Variants in NHEJ1 observed in about 807,000 individuals in gnomAD.
The protein encoded by NHEJ1 is non-homologous end joining factor 1, also known as non-homologous end-joining factor 1.
In NHEJ1, 22 loss-of-function variants were observed where a neutral mutation model predicts 39.4. The observed-to-expected ratio is 0.56, with a 90% CI of 0.40 to 0.80. NHEJ1 has a LOEUF of 0.80. NHEJ1 is among the 30% of genes least tolerant of loss of function. The probability of loss-of-function intolerance (pLI) is 0.00; values close to 1 mark genes in which losing one functional copy is unlikely to be tolerated. For synonymous variants in NHEJ1, 154 were observed against 135.6 expected, an observed-to-expected ratio of 1.14 and a Z score of -0.94; for missense variants, 329 against 357.1, an observed-to-expected ratio of 0.92 and a Z score of 0.63.
intron 3 of NHEJ1, 125 bp from the exon 4 acceptor site, chr2:219,147,920 A>G: frequency 3.3e-6 from 3 of 921,230 alleles, no homozygotes; most frequent in Non-Finnish European, 5.0e-6. Flanking sequence ...TTCATAGGCA[A>G]GTAACCCATT....
chr2:219,147,309 G>A (rs977515125), intron 4 of NHEJ1, among the ~76,000 whole-genome samples: 3 of 152,152 alleles, frequency 2.0e-5, no homozygotes, highest in East Asian at 1.9e-4. Context: ...GTGAAACCCC[G>A]TCTATATTAA....
At chr2:219,095,197 C>A in intron 5 of NHEJ1, 1 of 436,530 alleles carries the variant, frequency 2.3e-6, no homozygotes, top group South Asian at 1.7e-5. Flanking sequence ...CACTTCCATT[C>A]AGCCTAACTA....
chr2:219,104,871 C>A (rs1332629857), intron 5 of NHEJ1, among the ~76,000 whole-genome samples: 2 of 152,164 alleles, frequency 1.3e-5, no homozygotes, highest in African/African-American at 4.8e-5. Context: ...GAGGCAAAGG[C>A]AATTGCAGAC....
At chr2:219,083,305 G>A (rs1949082405) in intron 5 of NHEJ1, among the ~76,000 whole-genome samples, 1 of 152,074 alleles carries the variant, frequency 6.6e-6, no homozygotes, top group South Asian at 2.1e-4. Flanking sequence ...ATGGCCCTGG[G>A]TCCATGACAC....
At chr2:219,156,472 T>C (rs941280211) in intron 3 of NHEJ1, among the ~76,000 whole-genome samples, 2 of 152,184 alleles carry the variant, frequency 1.3e-5, no homozygotes, top group Non-Finnish European at 2.9e-5. Context: ...TGACTAAAAC[T>C]GTGTCTGTTA....
chr2:219,147,816 A>G, intron 3 of NHEJ1, 21 bp from the exon 4 acceptor site: 1 of 1,613,774 alleles, frequency 6.2e-7, no homozygotes, highest in Non-Finnish European at 8.5e-7. Flanking sequence ...AGAGATATCA[A>G]TTAGCCAAAA....
At chr2:219,148,314 G>A (rs1174497293) in intron 3 of NHEJ1, among the ~76,000 whole-genome samples, 1 of 152,124 alleles carries the variant, frequency 6.6e-6, no homozygotes, top group Non-Finnish European at 1.5e-5. Flanking sequence ...AGCACTCTGG[G>A]AGGCCGAGGT....
At chr2:219,150,870 C>T (rs905100883) in intron 3 of NHEJ1, among the ~76,000 whole-genome samples, 7 of 151,786 alleles carry the variant, frequency 4.6e-5, no homozygotes, top group Non-Finnish European at 8.8e-5. Context: ...ACAGAAGAAT[C>T]GCCTGAACCC....
intron 5 of NHEJ1, among the ~76,000 whole-genome samples, chr2:219,128,695 C>T (rs745724373): frequency 2.6e-5 from 4 of 152,158 alleles, no homozygotes; most frequent in Non-Finnish European, 4.4e-5. Context: ...CGTTCTTGCC[C>T]GGCCTCAGGA....
intron 5 of NHEJ1, chr2:219,095,455 C>T (rs1321763420): frequency 1.5e-5 from 6 of 403,004 alleles, no homozygotes; most frequent in African/African-American, 1.2e-4. Flanking sequence ...TTGTACAATG[C>T]TTTAAACCTA....
intron 6 of NHEJ1, 63 bp downstream of exon 6, chr2:219,078,026 G>T: frequency 9.2e-7 from 1 of 1,087,646 alleles, no homozygotes. Context: ...TATCATATTG[G>T]ACAGCATAAA....
At chr2:219,107,967 A>G (rs1257203128) in intron 5 of NHEJ1, among the ~76,000 whole-genome samples, 2 of 151,890 alleles carry the variant, frequency 1.3e-5, no homozygotes, top group African/African-American at 4.8e-5. Flanking sequence ...GACCACTTGA[A>G]ACGCGGCTAG....
chr2:219,099,132 GT>G (rs150206995), intron 5 of NHEJ1, among the ~76,000 whole-genome samples: 14,028 of 152,200 alleles, frequency 0.092, 641 homozygotes, highest in East Asian at 0.13. Context: ...AAAGTGGCAT[GT>G]TTAAAACTGA....
At chr2:219,126,557 T>G (rs1206381924) in intron 5 of NHEJ1, among the ~76,000 whole-genome samples, 2 of 152,256 alleles carry the variant, frequency 1.3e-5, no homozygotes, top group African/African-American at 2.4e-5. Flanking sequence ...GCAAAAGTTC[T>G]CTGCAGAATT....
intron 5 of NHEJ1, among the ~76,000 whole-genome samples, chr2:219,121,305 T>C (rs919233155): frequency 6.6e-6 from 1 of 152,158 alleles, no homozygotes; most frequent in Non-Finnish European, 1.5e-5. Context: ...TACATCCTTA[T>C]AATTCAAGTT....
rs945319603 is a variant in NHEJ1, at chr2:219,070,405, T to C, written c.*5976A>G. ...TGGGGTTTCACCATGTTGGCCAGGC[T>C]GGTCTCAAATTCCTGACCTCAGGTG... On this transcript the variant is annotated 3_prime_UTR_variant, in exon 8 of 8. Transcript: ENST00000356853. Among the ~76,000 whole-genome samples the C allele has an allele frequency of 1.3e-5, 2 of 152,250 alleles. No homozygotes were observed. The highest frequency in any genetic ancestry group is 4.8e-5 in the African/African-American group (2 of 41,466).
rs529629713 is a variant in NHEJ1, at chr2:219,152,071, C to T, written c.391-4276G>A. 3.9e-5 allele frequency among the ~76,000 whole-genome samples: 6 copies of T among 152,172 alleles called. No homozygotes were observed. In the South Asian group the frequency reaches 6.2e-4, roughly 16 times the overall value. ...GCTTTAGGATGTCAGGGACACTCCC[C>T]GTAATTTATAGACAGCAATATATGA... On this transcript the variant is annotated intron_variant, in intron 3 of 7. Coordinates refer to ENST00000356853, the MANE Select transcript of NHEJ1 (RefSeq NM_024782.3).
intron 1 of NHEJ1, among the ~76,000 whole-genome samples, chr2:219,160,307 A>G (rs1320043494): frequency 6.6e-6 from 1 of 152,044 alleles, no homozygotes; most frequent in Non-Finnish European, 1.5e-5. Flanking sequence ...CCCCTGGGAC[A>G]GCGCGAACCC....
chr2:219,084,911 C>T (rs578251023), intron 5 of NHEJ1, among the ~76,000 whole-genome samples: 1 of 152,216 alleles, frequency 6.6e-6, no homozygotes, highest in Non-Finnish European at 1.5e-5. Flanking sequence ...AAAGCACAAA[C>T]AGCTTGCTTC....
Sources: allele counts gnomAD v4.1 joint callset (sites outside exome capture counted in the v4.1 genomes callset), GRCh38; gene constraint gnomAD v4.1.1; transcripts MANE v1.5; gene names NCBI Gene and HGNC (gene_info 2026-07-23, HGNC 2026-07-21).